The following CYP11A1 variants were observed in gnomAD, a reference collection of about 807,000 sequenced individuals.
CYP11A1 encodes the protein cholesterol side-chain cleavage enzyme, mitochondrial.
A neutral mutation model predicts 51.9 loss-of-function variants in CYP11A1; 25 were observed. That is an observed-to-expected ratio of 0.48 (90% CI 0.35 to 0.67). CYP11A1 has a LOEUF of 0.67. Among genes scored for constraint, CYP11A1 ranks in the 30% least tolerant of loss-of-function variants. The pLI, the probability that CYP11A1 is intolerant of heterozygous loss-of-function variation, is 0.00. For missense variants in CYP11A1, 578 were observed against 680.9 expected (o/e 0.85, Z 1.68); for synonymous variants, 245 against 262.1 (o/e 0.93, Z 0.63).
intron 1 of CYP11A1, among the ~76,000 whole-genome samples, chr15:74,356,828 G>A (rs1173998132): frequency 1.3e-5 from 2 of 151,898 alleles, no homozygotes; most frequent in African/African-American, 4.8e-5. Context: ...CACACATATG[G>A]GACATGTCTA....
Position 74,343,018 on chromosome 15 carries a change from T to C in CYP11A1, c.949A>G (p.Lys317Glu). 2 of 1,612,958 alleles carry C rather than the reference T, an allele frequency of 1.2e-6. No homozygotes were observed. The highest frequency in any genetic ancestry group is 2.2e-5 in the South Asian group (2 of 91,026). The change falls in exon 5 of 9, where the codon AAG becomes GAG. Residue 317 changes from lysine (K) to glutamate (E), a missense_variant. Physicochemically the swap from Lys to Glu is moderately conservative, Grantham distance 56. Coordinates refer to ENST00000268053, the MANE Select transcript of CYP11A1 (RefSeq NM_000781.3). ...GDSKMSFEDI[K>E]ANVTEMLAGG... ...GCCAGCATCTCTGTGACGTTGGCCT[T>C]GATGTCCTCGAAGGACATCTTGCTG...
At chr15:74,351,782 G>A (rs1368116476) in intron 1 of CYP11A1, among the ~76,000 whole-genome samples, 1 of 152,232 alleles carries the variant, frequency 6.6e-6, no homozygotes, top group Non-Finnish European at 1.5e-5. Context: ...AGAGTTGCAT[G>A]TATCCAGGCT....
chr15:74,354,170 C>T (rs1346910155), intron 1 of CYP11A1, among the ~76,000 whole-genome samples: 1 of 152,234 alleles, frequency 6.6e-6, no homozygotes, highest in Non-Finnish European at 1.5e-5. Flanking sequence ...CCAAGCTAAG[C>T]CGTCATATCC....
chr15:74,352,463 G>A (rs1041359122), intron 1 of CYP11A1, among the ~76,000 whole-genome samples: 1 of 151,876 alleles, frequency 6.6e-6, no homozygotes, highest in African/African-American at 2.4e-5. Flanking sequence ...TAGAGACAAG[G>A]TTTCACCATA....
At chr15:74,343,707 G>T in intron 4 of CYP11A1, 82 bp downstream of exon 4, 2 of 1,252,358 alleles carry the variant, frequency 1.6e-6, no homozygotes, top group Non-Finnish European at 2.3e-6. Context: ...TCAAGTCAGC[G>T]CCCATTGACA....
chr15:74,339,669 C>A lies in CYP11A1; in HGVS notation c.1075G>T (p.Ala359Ser). 6.2e-7 allele frequency: 1 copy of A among 1,614,166 alleles called. No homozygotes were observed. Among genetic ancestry groups the A allele is most frequent in the Non-Finnish European group, 8.5e-7 (1 of 1,180,034 alleles). ...QDMLRAEVLA[A>S]RHQAQGDMAT... ...ATGTCTCCCTGGGCCTGGTGCCGCG[C>A]AGCCAAGACCTCTGCCCGCAGCATA... is the stretch of plus-strand genomic sequence containing the variant. Residue 359 changes from alanine to serine, a missense_variant, in exon 6 of 9, where the codon GCG (alanine) becomes TCG (serine). Coordinates refer to ENST00000268053, the MANE Select transcript of CYP11A1 (RefSeq NM_000781.3).
chr15:74,357,260 G>A lies in CYP11A1; in HGVS notation c.270-9205C>T, dbSNP rs2060684486. Among the ~76,000 whole-genome samples the A allele has an allele frequency of 1.3e-5, 2 of 152,150 alleles. 1 individual carries two copies. Among genetic ancestry groups the A allele is most frequent in the South Asian group, 4.1e-4 (2 of 4,830 alleles). On this transcript the variant is annotated intron_variant, in intron 1 of 8. Coordinates refer to ENST00000268053, the MANE Select transcript of CYP11A1 (RefSeq NM_000781.3). ...CTTGGACTGACCCTGACACCCATCA[G>A]GCTCAGCAAATTACCTGGGCTGTAC...
chr15:74,360,942 C>A (rs918923824), intron 1 of CYP11A1, among the ~76,000 whole-genome samples: 2 of 152,164 alleles, frequency 1.3e-5, no homozygotes, highest in Non-Finnish European at 2.9e-5. Flanking sequence ...GCAATTAAGA[C>A]TACTAGAAAC....
chr15:74,366,672 A>G (rs1279302637), intron 1 of CYP11A1: 2 of 151,712 alleles, frequency 1.3e-5, no homozygotes, highest in African/African-American at 4.9e-5. Flanking sequence ...AGGGCCAGGA[A>G]TTCAAAACTT....
intron 3 of CYP11A1, 122 bp from the exon 4 acceptor site, chr15:74,344,114 G>A (rs2060621565): frequency 1.3e-6 from 1 of 762,986 alleles, no homozygotes; most frequent in Non-Finnish European, 2.2e-6. Context: ...CCTACCCTCA[G>A]CCTCCTTCAG....
chr15:74,350,053 C>A, intron 1 of CYP11A1: 1 of 337,182 alleles, frequency 3.0e-6, no homozygotes, highest in South Asian at 2.6e-5. Flanking sequence ...CACTGAACAT[C>A]ACTTTCTCTT....
chr15:74,363,756 T>C (rs2060719385), intron 1 of CYP11A1: 1 of 152,188 alleles, frequency 6.6e-6, no homozygotes, highest in Non-Finnish European at 1.5e-5. Context: ...AACCTATAAA[T>C]GACATGCTGA....
At position 74,345,360 on chromosome 15, in the gene CYP11A1, TC is replaced by T; in HGVS notation, c.426-118del. On this transcript the variant is annotated intron_variant, in intron 2 of 8. Transcript: ENST00000268053. This position sits in a 1 kb window ranked among gnomAD's most constrained non-coding sequence, Gnocchi z 4.3. ...AGTCACAGCTCACAGCATCCAGCAC[TC>T]CCACCAGGGCCTCTGCCCTCACCTC... The T allele has an allele frequency of 9.3e-7, 1 of 1,078,460 alleles. No individual in the cohort carries two copies. Among genetic ancestry groups the T allele is most frequent in the Non-Finnish European group, 1.4e-6 (1 of 716,004 alleles). The allele number at this position is 1,078,460 out of a possible 1,614,324, so 66.8% of individuals were successfully genotyped here. A position where few individuals can be genotyped will look rare whatever the true frequency, so the allele number is the denominator to read the frequency against.
At position 74,367,560 on chromosome 15, in the gene CYP11A1, C is replaced by A. The variant is rs769808230; in HGVS notation, c.26G>T (p.Arg9Leu). 5.6e-6 allele frequency: 9 copies of A among 1,613,974 alleles called. No individual in the cohort carries two copies. Among genetic ancestry groups the A allele is most frequent in the Non-Finnish European group, 7.6e-6 (9 of 1,179,996 alleles). MLAKGLPP[R>L]SVLVKGCQTF... ...CTGGCAGCCTTTGACCAGGACTGAGCGTGGGGGAAGACCCTTGGCCAGCAT... is the reference window on the plus strand; with the variant it reads ...CTGGCAGCCTTTGACCAGGACTGAGAGTGGGGGAAGACCCTTGGCCAGCAT... The change falls in exon 1 of 9, where the codon CGC (arginine) becomes CTC (leucine). Residue 9 changes from arginine to leucine, a missense_variant. Coordinates refer to ENST00000268053, the MANE Select transcript of CYP11A1 (RefSeq NM_000781.3).
In CYP11A1 at chr15:74,337,933, G is replaced by A; in HGVS notation, c.*39C>T. On this transcript the variant is annotated 3_prime_UTR_variant, in exon 9 of 9. Coordinates refer to ENST00000268053, the MANE Select transcript of CYP11A1 (RefSeq NM_000781.3). ...CAGAGACCCCATGGGCCCCACCCCTGGGCCTTCCTCCCATGTGGCTGCAGG... is the reference window on the plus strand; with the variant it reads ...CAGAGACCCCATGGGCCCCACCCCTAGGCCTTCCTCCCATGTGGCTGCAGG... 2 of 1,612,664 alleles carry A rather than the reference G, an allele frequency of 1.2e-6. No homozygotes were observed. Among genetic ancestry groups the A allele is most frequent in the South Asian group, 2.2e-5 (2 of 90,966 alleles).
intron 1 of CYP11A1, among the ~76,000 whole-genome samples, chr15:74,355,478 G>A (rs2060675011): frequency 6.6e-6 from 1 of 151,924 alleles, no homozygotes; most frequent in Non-Finnish European, 1.5e-5. Flanking sequence ...TGTCCCTTCA[G>A]TCCCAACCCC....
At chr15:74,339,564 G>C (rs143006315) in intron 6 of CYP11A1, 23 bp downstream of exon 6, 13 of 1,609,474 alleles carry the variant, frequency 8.1e-6, no homozygotes, top group Non-Finnish European at 1.0e-5. Context: ...AGTTGGGGGC[G>C]GCATGGGTGG....
chr15:74,342,925 G>A (rs2060613628), intron 5 of CYP11A1, 52 bp downstream of exon 5: 2 of 1,595,186 alleles, frequency 1.3e-6, no homozygotes, highest in South Asian at 1.1e-5. Flanking sequence ...TGGTGGGGAA[G>A]GGGCACGTGG....
chr15:74,351,521 A>G (rs113099791), intron 1 of CYP11A1, among the ~76,000 whole-genome samples: 9 of 152,330 alleles, frequency 5.9e-5, no homozygotes, highest in African/African-American at 2.2e-4. Context: ...TATAAAGTTC[A>G]TAGTATGCTC....
Sources: gnomAD v4.1 joint callset for allele counts (sites outside exome capture counted in the v4.1 genomes callset) on GRCh38, gnomAD v4.1.1 for gene constraint, Gnocchi (gnomAD v3.1) non-coding constraint, MANE v1.5 for transcripts, NCBI Gene and HGNC (gene_info 2026-07-23, HGNC 2026-07-21) for gene names.